The following PAPSS2 variants were observed in gnomAD, a reference collection of about 807,000 sequenced individuals.
PAPSS2 encodes bifunctional 3'-phosphoadenosine 5'-phosphosulfate synthase 2.
Under a neutral mutation model 66.5 loss-of-function variants are expected in PAPSS2, and 61 were observed. The ratio of observed to expected loss-of-function variants is 0.92; its 90% confidence interval spans 0.75 to 1.14. The LOEUF is 1.14. Ranked by LOEUF, PAPSS2 falls within the 50% of genes most tolerant of loss-of-function variation. PAPSS2 has a pLI of 0.00. For synonymous variants in PAPSS2, 289 were observed against 287.5 expected, an observed-to-expected ratio of 1.01 and a Z score of -0.05; for missense variants, 708 against 789.6, an observed-to-expected ratio of 0.90 and a Z score of 1.24.
intron 3 of PAPSS2, 74 bp downstream of exon 3, chr10:87,713,384 G>C (rs927314974): frequency 2.4e-6 from 2 of 843,286 alleles, no homozygotes; most frequent in East Asian, 2.7e-5. Context: ...CCAACTGCTA[G>C]GGGAAGGAAT....
Position 87,682,261 on chromosome 10 carries a change from G to A in PAPSS2, c.27+22253G>A, listed in dbSNP as rs148674265. Among the ~76,000 whole-genome samples the A allele has an allele frequency of 1.0e-3, 154 of 152,298 alleles. 1 individual carries two copies. Among genetic ancestry groups the A allele is most frequent in the African/African-American group, 3.5e-3 (147 of 41,550 alleles). ...CCGGCTAGGCTATAGAGCAGCAAAG[G>A]TCTACAGAGGAGCAAAGGGTAACAT... On this transcript the variant is annotated intron_variant, in intron 1 of 12. Coordinates refer to ENST00000456849, the MANE Select transcript of PAPSS2 (RefSeq NM_001015880.2).
At chr10:87,727,777 A>G (rs1372524042) in intron 9 of PAPSS2, among the ~76,000 whole-genome samples, 1 of 152,214 alleles carries the variant, frequency 6.6e-6, no homozygotes, top group Non-Finnish European at 1.5e-5. Context: ...GTCTGACAAC[A>G]TGAGTAGAGA....
At chr10:87,744,509 C>T (rs1021651245) in intron 11 of PAPSS2, among the ~76,000 whole-genome samples, 5 of 152,186 alleles carry the variant, frequency 3.3e-5, no homozygotes, top group Admixed American at 6.5e-5. Context: ...AGGCCCCTAG[C>T]TCTCCTTTCC....
intron 8 of PAPSS2, among the ~76,000 whole-genome samples, chr10:87,726,149 C>T (rs191592982): frequency 1.3e-5 from 2 of 152,266 alleles, no homozygotes; most frequent in East Asian, 1.9e-4. Flanking sequence ...AATAATTTAA[C>T]GGCTGGGCAC....
intron 1 of PAPSS2, among the ~76,000 whole-genome samples, chr10:87,701,918 A>C (rs1231605395): frequency 6.6e-6 from 1 of 152,230 alleles, no homozygotes. Context: ...GAATATTTAG[A>C]AGTGGGTATA....
rs367885911 is a variant in PAPSS2, at chr10:87,713,312, T to TAAAAAAAAAAAAAAAAAAAAAAAAAAAAA, written c.381+24_381+25insAAAAAAAAAAAAAAAAAAAAAAAAAAAAA. 78 of 575,148 alleles carry TAAAAAAAAAAAAAAAAAAAAAAAAAAAAA rather than the reference T, an allele frequency of 1.4e-4. 8 individuals carry two copies. In the East Asian group the frequency reaches 2.3e-3, roughly 17 times the overall value. The allele number at this position is 575,148 out of a possible 1,614,324, so 35.6% of individuals were successfully genotyped here. On this transcript the variant is annotated splice_region_variant and intron_variant, in intron 3 of 12. Transcript: ENST00000456849. ...AGCTTTATTTCTCCATTCGCAAAGGTAAAAAAAAAAAAAAAAAAAAAAGGC... is the reference window on the plus strand; with the variant it reads ...AGCTTTATTTCTCCATTCGCAAAGGTAAAAAAAAAAAAAAAAAAAAAAAAAAAAAAAAAAAAAAAAAAAAAAAAAAAGGC...
At chr10:87,733,247 C>G (rs1046885246) in intron 9 of PAPSS2, among the ~76,000 whole-genome samples, 1 of 152,210 alleles carries the variant, frequency 6.6e-6, no homozygotes, top group Admixed American at 6.5e-5. Flanking sequence ...CAACGTCATT[C>G]TTGACCTTCC....
intron 1 of PAPSS2, among the ~76,000 whole-genome samples, chr10:87,674,347 G>T (rs1852918340): frequency 6.6e-6 from 1 of 152,044 alleles, no homozygotes. Context: ...TATATTTTTG[G>T]TAGAGATGGG....
chr10:87,687,467 A>G (rs1327424865), intron 1 of PAPSS2, among the ~76,000 whole-genome samples: 1 of 152,226 alleles, frequency 6.6e-6, no homozygotes, highest in Non-Finnish European at 1.5e-5. Flanking sequence ...TTCCATTTCA[A>G]AAAGTGATGC....
chr10:87,745,264 A>G lies in PAPSS2; in HGVS notation c.1721+33A>G, dbSNP rs10218897. 5.6e-4 allele frequency: 849 copies of G among 1,520,950 alleles called. 2 individuals are homozygous for G. The African/African-American group carries it at 0.01, about 18-fold the overall frequency. The allele number at this position is 1,520,950 out of a possible 1,614,324, so 94.2% of individuals were successfully genotyped here. A position where few individuals can be genotyped will look rare whatever the true frequency, so the allele number is the denominator to read the frequency against. ...TTCAGAGGAAAATTCTTTTATCAAC[A>G]TCTGTATAAAAGAAATGATGAGGCA... is the stretch of plus-strand genomic sequence containing the variant. On this transcript the variant is annotated intron_variant, in intron 12 of 12. Transcript: ENST00000456849.
chr10:87,706,102 ATATATATG>A (rs1313094381), intron 1 of PAPSS2, among the ~76,000 whole-genome samples: 3 of 78,316 alleles, frequency 3.8e-5, no homozygotes, highest in African/African-American at 2.5e-4. Context: ...ATATATATAT[ATATATATG>A]TGTGTGTGTG....
intron 7 of PAPSS2, among the ~76,000 whole-genome samples, chr10:87,718,223 T>A (rs138901505): frequency 0.017 from 2,583 of 152,046 alleles, 40 homozygotes; most frequent in Middle Eastern, 0.027. Flanking sequence ...AGAGACAGGG[T>A]TTCACTATGT....
intron 1 of PAPSS2, among the ~76,000 whole-genome samples, chr10:87,691,543 G>A (rs900646624): frequency 4.0e-5 from 6 of 151,608 alleles, no homozygotes; most frequent in South Asian, 2.1e-4. Context: ...CCCTACCGCC[G>A]ACCACTTGAA....
At chr10:87,664,703 G>C (rs1852794836) in intron 1 of PAPSS2, among the ~76,000 whole-genome samples, 1 of 152,178 alleles carries the variant, frequency 6.6e-6, no homozygotes, top group African/African-American at 2.4e-5. Context: ...GTCAATCTCA[G>C]TCCTAGGAGA....
chr10:87,704,080 T>A (rs745589190), intron 1 of PAPSS2: 20 of 474,026 alleles, frequency 4.2e-5, no homozygotes, highest in African/African-American at 4.0e-4. Flanking sequence ...AGTTCAAGTA[T>A]AATTCAAAAT....
intron 1 of PAPSS2, among the ~76,000 whole-genome samples, chr10:87,677,493 T>A (rs1288545259): frequency 2.0e-5 from 3 of 152,200 alleles, no homozygotes; most frequent in African/African-American, 7.2e-5. Flanking sequence ...AGGATACTTT[T>A]GGATCAAAAA....
chr10:87,664,746 G>C (rs1852795242), intron 1 of PAPSS2, among the ~76,000 whole-genome samples: 2 of 152,152 alleles, frequency 1.3e-5, no homozygotes, highest in African/African-American at 4.8e-5. Context: ...TCACTAAATA[G>C]TAATGGGCAC....
chr10:87,738,644 A>G (rs778049748), intron 9 of PAPSS2, among the ~76,000 whole-genome samples: 3 of 152,182 alleles, frequency 2.0e-5, no homozygotes, highest in Non-Finnish European at 4.4e-5. Flanking sequence ...TCTGGGCTTA[A>G]GCAATCCACC....
intron 1 of PAPSS2, among the ~76,000 whole-genome samples, chr10:87,708,630 A>C (rs966939604): frequency 6.6e-6 from 1 of 152,198 alleles, no homozygotes; most frequent in Non-Finnish European, 1.5e-5. Context: ...CAAATGTTAA[A>C]AGGTCATGCA....
Sources: gnomAD v4.1 joint callset for allele counts (sites outside exome capture counted in the v4.1 genomes callset) on GRCh38, gnomAD v4.1.1 for gene constraint, MANE v1.5 for transcripts, NCBI Gene and HGNC (gene_info 2026-07-23, HGNC 2026-07-21) for gene names.